The following SYT1 variants were observed in gnomAD, a reference collection of about 807,000 sequenced individuals.
SYT1 encodes the protein synaptotagmin-1.
In SYT1, 8 loss-of-function variants were observed where a neutral mutation model predicts 44.8. That is an observed-to-expected ratio of 0.18 (90% confidence interval 0.10 to 0.32). SYT1 has a LOEUF of 0.32. SYT1 is among the 10% of genes least tolerant of loss of function. The pLI is 1.00. For missense variants in SYT1, 286 were observed against 509.3 expected (o/e 0.56, Z 4.22); for synonymous variants, 154 against 188.8 (o/e 0.82, Z 1.51).
chr12:79,095,908 A>G (rs1318411284), intron 3 of SYT1, among the ~76,000 whole-genome samples: 5 of 151,946 alleles, frequency 3.3e-5, no homozygotes, highest in African/African-American at 7.2e-5. Context: ...TTATATGCAC[A>G]TGAGCATGAG....
At position 79,378,454 on chromosome 12, in the gene SYT1, A is replaced by C. The variant is rs752161912; in HGVS notation, c.928+24835A>C. On this transcript the variant is annotated intron_variant, in intron 9 of 10. Coordinates refer to ENST00000261205, the MANE Select transcript of SYT1 (RefSeq NM_005639.3). ...CCAAACAGGCTAGATTACGTAGCCC[A>C]TGAAGCCAGTTTACAGAAATGAATT... Among the ~76,000 whole-genome samples the C allele has an allele frequency of 2.6e-5, 4 of 152,350 alleles. No individual in the cohort carries two copies. In the East Asian group the frequency reaches 7.7e-4, roughly 29 times the overall value.
chr12:79,424,541 G>T (rs1437822764), intron 9 of SYT1, among the ~76,000 whole-genome samples: 1 of 152,108 alleles, frequency 6.6e-6, no homozygotes, highest in Non-Finnish European at 1.5e-5. Context: ...GGCCATGGCT[G>T]TATTGATTTC....
At chr12:79,092,919 C>T (rs1046548585) in intron 3 of SYT1, among the ~76,000 whole-genome samples, 3 of 151,660 alleles carry the variant, frequency 2.0e-5, no homozygotes, top group African/African-American at 7.3e-5. Flanking sequence ...TGTTGTGGCA[C>T]ACAACGCTTT....
chr12:79,176,289 CAAA>C (rs11389898), intron 3 of SYT1, among the ~76,000 whole-genome samples: 2 of 139,218 alleles, frequency 1.4e-5, no homozygotes, highest in Non-Finnish European at 3.1e-5. Context: ...AATTCTGTCT[CAAA>C]AAAAAAAAAA....
intron 9 of SYT1, among the ~76,000 whole-genome samples, chr12:79,417,803 C>G (rs1321668240): frequency 1.3e-5 from 2 of 151,930 alleles, no homozygotes; most frequent in African/African-American, 4.8e-5. Flanking sequence ...CTCCCACCCC[C>G]CACTTCAACC....
intron 1 of SYT1, among the ~76,000 whole-genome samples, chr12:78,921,821 C>G (rs1307781822): frequency 6.6e-6 from 1 of 151,746 alleles, no homozygotes; most frequent in Non-Finnish European, 1.5e-5. Flanking sequence ...CAAAATGCTG[C>G]AGAGACACGG....
chr12:79,251,375 G>A (rs1185738770), intron 4 of SYT1, among the ~76,000 whole-genome samples: 2 of 151,926 alleles, frequency 1.3e-5, no homozygotes, highest in Admixed American at 1.3e-4. Context: ...TCCAAATTCA[G>A]GAAAATTAAA....
intron 4 of SYT1, among the ~76,000 whole-genome samples, chr12:79,222,624 C>T (rs1363009589): frequency 2.0e-5 from 3 of 152,262 alleles, no homozygotes; most frequent in East Asian, 3.9e-4. Flanking sequence ...CTCGGGTGAT[C>T]CACCCACCTT....
In SYT1 at chr12:78,905,276, G is replaced by A. The variant is rs141273821; in HGVS notation, c.-217+40167G>A. On this transcript the variant is annotated intron_variant, in intron 1 of 10. Transcript: ENST00000261205. ...TAGTAGAAGTACAGAAATCCCGCGGGGGGCGGGAACTGACTTACCTACACA... is the reference window on the plus strand; with the variant it reads ...TAGTAGAAGTACAGAAATCCCGCGGAGGGCGGGAACTGACTTACCTACACA... Among the ~76,000 whole-genome samples, 392 of 152,262 alleles carry A rather than the reference G, an allele frequency of 2.6e-3. 1 individual carries two copies. The highest frequency in any genetic ancestry group is 8.8e-3 in the African/African-American group (364 of 41,558).
At chr12:79,256,208 G>A (rs1175607259) in intron 4 of SYT1, among the ~76,000 whole-genome samples, 1 of 152,190 alleles carries the variant, frequency 6.6e-6, no homozygotes, top group Non-Finnish European at 1.5e-5. Flanking sequence ...GAGAGAAACG[G>A]CAAAAGAAAT....
At chr12:78,989,117 G>A (rs1869847942) in intron 2 of SYT1, among the ~76,000 whole-genome samples, 1 of 152,024 alleles carries the variant, frequency 6.6e-6, no homozygotes, top group South Asian at 2.1e-4. Context: ...TATTCTGATG[G>A]GGAAGACTCC....
At chr12:79,121,937 G>T (rs1316692495) in intron 3 of SYT1, among the ~76,000 whole-genome samples, 1 of 152,156 alleles carries the variant, frequency 6.6e-6, no homozygotes, top group Admixed American at 6.6e-5. Context: ...ATACAAAAAA[G>T]TGAAAAGCCC....
chr12:79,073,735 T>C (rs900172848), intron 3 of SYT1, among the ~76,000 whole-genome samples: 6 of 152,180 alleles, frequency 3.9e-5, no homozygotes, highest in Non-Finnish European at 2.9e-5. Context: ...CCAGAATTAC[T>C]TCTTCGACAT....
chr12:79,430,066 A>G (rs1869687603), intron 9 of SYT1, among the ~76,000 whole-genome samples: 1 of 152,194 alleles, frequency 6.6e-6, no homozygotes, highest in Admixed American at 6.5e-5. Flanking sequence ...CTACCTAAGC[A>G]TACCACTATC....
chr12:79,174,526 G>A (rs531454181), intron 3 of SYT1, among the ~76,000 whole-genome samples: 1 of 152,176 alleles, frequency 6.6e-6, no homozygotes, highest in African/African-American at 2.4e-5. Flanking sequence ...AATGTAGCTA[G>A]TCAGTAACAT....
chr12:79,314,032 G>A (rs1383114306), intron 8 of SYT1, among the ~76,000 whole-genome samples: 6 of 150,922 alleles, frequency 4.0e-5, no homozygotes, highest in East Asian at 3.9e-4. Context: ...AGCCGGGCGT[G>A]GTAGCGGGCG....
chr12:79,161,367 G>A (rs566695062), intron 3 of SYT1, among the ~76,000 whole-genome samples: 34 of 152,054 alleles, frequency 2.2e-4, no homozygotes, highest in Non-Finnish European at 4.0e-4. Context: ...CACATGCTAG[G>A]TTTGTAGCCT....
At position 79,068,679 on chromosome 12, in the gene SYT1, C is replaced by T. The variant is rs575286817; in HGVS notation, c.-18+21317C>T. ...CCTCCTACTCTATTCCAAACATTTTCCATAATCAGTACATTGGTACAGAAA... is the reference window on the plus strand; with the variant it reads ...CCTCCTACTCTATTCCAAACATTTTTCATAATCAGTACATTGGTACAGAAA... On this transcript the variant is annotated intron_variant, in intron 3 of 10. Coordinates refer to ENST00000261205, the MANE Select transcript of SYT1 (RefSeq NM_005639.3). Among the ~76,000 whole-genome samples the T allele has an allele frequency of 2.1e-4, 32 of 152,164 alleles. No homozygotes were observed. In the South Asian group the frequency reaches 4.6e-3, roughly 22 times the overall value.
At chr12:79,397,020 T>C (rs1026289868) in intron 9 of SYT1, among the ~76,000 whole-genome samples, 1 of 152,150 alleles carries the variant, frequency 6.6e-6, no homozygotes, top group Non-Finnish European at 1.5e-5. Flanking sequence ...ATAAGAAATG[T>C]GAATGCTAAG....
Sources: gnomAD v4.1 joint callset for allele counts (sites outside exome capture counted in the v4.1 genomes callset) on GRCh38, gnomAD v4.1.1 for gene constraint, MANE v1.5 for transcripts, NCBI Gene and HGNC (gene_info 2026-07-23, HGNC 2026-07-21) for gene names.